BRINP2: variants seen among roughly 807,000 people sequenced by gnomAD.
The protein encoded by BRINP2 is BMP/retinoic acid inducible neural specific 2.
Under a neutral mutation model 69.2 loss-of-function variants are expected in BRINP2, and 21 were observed. The observed-to-expected ratio is 0.30, with a 90% CI of 0.22 to 0.44. BRINP2 has a LOEUF of 0.44. Among genes scored for constraint, BRINP2 ranks in the 20% least tolerant of loss-of-function variants. The probability of loss-of-function intolerance (pLI) is 1.00; values close to 1 mark genes in which losing one functional copy is unlikely to be tolerated. For synonymous variants in BRINP2, 380 were observed against 394.1 expected (o/e 0.96, Z 0.42); for missense variants, 877 against 986.0 (o/e 0.89, Z 1.48).
intron 1 of BRINP2, among the ~76,000 whole-genome samples, chr1:177,177,339 CAAG>C (rs1648118644): frequency 6.6e-6 from 1 of 151,896 alleles, no homozygotes; most frequent in Non-Finnish European, 1.5e-5. Context: ...GTGGACCTAC[CAAG>C]AAGAAGAATG....
chr1:177,264,853 C>T (rs1651068673), intron 4 of BRINP2, among the ~76,000 whole-genome samples: 1 of 152,172 alleles, frequency 6.6e-6, no homozygotes, highest in African/African-American at 2.4e-5. Context: ...TAGGAAGAAT[C>T]AATATCATGA....
At chr1:177,201,936 T>C (rs1237338361) in intron 1 of BRINP2, among the ~76,000 whole-genome samples, 1 of 152,214 alleles carries the variant, frequency 6.6e-6, no homozygotes, top group Non-Finnish European at 1.5e-5. Flanking sequence ...TGGGAGAGTG[T>C]ATGTGTCGAG....
chr1:177,265,392 C>A (rs1651085324), intron 4 of BRINP2, among the ~76,000 whole-genome samples: 1 of 152,174 alleles, frequency 6.6e-6, no homozygotes, highest in Non-Finnish European at 1.5e-5. Flanking sequence ...CTTCAAAATG[C>A]CCTTTGTCCC....
intron 1 of BRINP2, among the ~76,000 whole-genome samples, chr1:177,228,457 T>C (rs1194109337): frequency 6.6e-6 from 1 of 151,972 alleles, no homozygotes; most frequent in Non-Finnish European, 1.5e-5. Flanking sequence ...CAGCCCAGAG[T>C]GCCCTGGGGG....
chr1:177,264,237 T>C (rs532053259), intron 4 of BRINP2, among the ~76,000 whole-genome samples: 6 of 152,324 alleles, frequency 3.9e-5, no homozygotes, highest in Non-Finnish European at 8.8e-5. Flanking sequence ...CACTCTTTAA[T>C]GGCCTCATTT....
At chr1:177,173,113 A>G (rs1197660760) in intron 1 of BRINP2, among the ~76,000 whole-genome samples, 1 of 152,182 alleles carries the variant, frequency 6.6e-6, no homozygotes, top group East Asian at 1.9e-4. Context: ...CCTGACTCAC[A>G]CAGTTGTGTG....
At chr1:177,186,386 T>G (rs1648425522) in intron 1 of BRINP2, among the ~76,000 whole-genome samples, 1 of 152,106 alleles carries the variant, frequency 6.6e-6, no homozygotes, top group South Asian at 2.1e-4. Flanking sequence ...CAAAAGTAAT[T>G]GCAATTTTTT....
At chr1:177,276,080 T>G (rs1571949402) in intron 5 of BRINP2, 118 bp from the exon 6 acceptor site, 2 of 943,718 alleles carry the variant, frequency 2.1e-6, no homozygotes, top group Admixed American at 1.9e-5. Context: ...GTGCCCATGC[T>G]TGGGCCCAGG....
chr1:177,200,347 T>C (rs1225183527), intron 1 of BRINP2, among the ~76,000 whole-genome samples: 1 of 119,700 alleles, frequency 8.4e-6, no homozygotes, highest in African/African-American at 3.1e-5. Flanking sequence ...ATTATCAACA[T>C]AGCAGCCAGA....
chr1:177,194,761 G>T (rs915341870), intron 1 of BRINP2, among the ~76,000 whole-genome samples: 1 of 142,358 alleles, frequency 7.0e-6, no homozygotes, highest in African/African-American at 3.0e-5. Context: ...TAAGTGGCGA[G>T]GCTGTGTGTG....
intron 5 of BRINP2, 138 bp downstream of exon 5, chr1:177,273,731 G>A: frequency 1.8e-6 from 1 of 557,222 alleles, no homozygotes; most frequent in East Asian, 3.1e-5. Context: ...CACAAGTTCT[G>A]GAACCTGTAT....
intron 2 of BRINP2, among the ~76,000 whole-genome samples, chr1:177,239,681 G>T (rs1650135297): frequency 6.6e-6 from 1 of 152,180 alleles, no homozygotes; most frequent in Admixed American, 6.5e-5. Flanking sequence ...GATGAGATTG[G>T]TGTATGCTCT....
intron 1 of BRINP2, among the ~76,000 whole-genome samples, chr1:177,207,221 C>T (rs1339182641): frequency 2.0e-5 from 3 of 152,088 alleles, no homozygotes; most frequent in Non-Finnish European, 4.4e-5. Context: ...TATCCTGCTG[C>T]AAATAAATCC....
intron 1 of BRINP2, among the ~76,000 whole-genome samples, chr1:177,208,711 T>C (rs962372361): frequency 6.6e-6 from 1 of 152,190 alleles, no homozygotes; most frequent in Admixed American, 6.5e-5. Flanking sequence ...AACACAGTTA[T>C]CACAGTAAGT....
At chr1:177,273,713 A>G in intron 5 of BRINP2, 120 bp downstream of exon 5, 2 of 583,608 alleles carry the variant, frequency 3.4e-6, no homozygotes, top group Non-Finnish European at 5.9e-6. Flanking sequence ...TCTTAAGACA[A>G]GAACTACCAC....
chr1:177,255,121 G>A (rs1347543252), intron 2 of BRINP2, among the ~76,000 whole-genome samples: 1 of 152,166 alleles, frequency 6.6e-6, no homozygotes, highest in Non-Finnish European at 1.5e-5. Flanking sequence ...TTAGTTTAGT[G>A]TAGTACCAAA....
Position 177,278,822 on chromosome 1 carries a change from A to T in BRINP2, c.1235+37A>T, listed in dbSNP as rs200836138. On this transcript the variant is annotated intron_variant, in intron 7 of 7. Transcript: ENST00000361539. The stretch of plus-strand genomic sequence containing the variant: ...CTGGCTGCTACAGCCAGAGCTCAGC[A>T]CCTCCCCTGACAGCTGCTGAGGCCA... 77 of 1,597,902 alleles carry T rather than the reference A, an allele frequency of 4.8e-5. 1 individual carries two copies. In the African/African-American group the frequency reaches 8.2e-4, roughly 17 times the overall value.
At position 177,281,126 on chromosome 1, in the gene BRINP2, C is replaced by G; in HGVS notation, c.1950C>G (p.Ile650Met). The change falls in exon 8 of 8, where the codon ATC becomes ATG. Residue 650 changes from isoleucine (I) to methionine (M), a missense_variant. By Grantham distance (10) the Ile-to-Met change is conservative. Transcript: ENST00000361539. ...TTCATGTTTACCTACGGAGCCGAATCAAGTCCCTGGATGACAGCTCCAATG... is the reference window on the plus strand; with the variant it reads ...TTCATGTTTACCTACGGAGCCGAATGAAGTCCCTGGATGACAGCTCCAATG... The part of the protein sequence containing the change: ...ETVHVYLRSR[I>M]KSLDDSSNET... The G allele has an allele frequency of 1.2e-6, 2 of 1,614,216 alleles. No homozygotes were observed. Among genetic ancestry groups the G allele is most frequent in the Non-Finnish European group, 1.7e-6 (2 of 1,180,042 alleles).
chr1:177,230,264 G>A lies in BRINP2; in HGVS notation c.269+119G>A, dbSNP rs528931703. ...GGAATGCCCTCAAACTGAGCTAGAG[G>A]TGAAAGCTGGAGGAACACCAGGCAG... On this transcript the variant is annotated intron_variant, in intron 2 of 7. Transcript: ENST00000361539. The A allele has an allele frequency of 2.6e-6, 3 of 1,135,324 alleles. No homozygotes were observed. In the African/African-American group the frequency reaches 4.7e-5, roughly 18 times the overall value. The allele number at this position is 1,135,324 out of a possible 1,614,324, so 70.3% of individuals were successfully genotyped here.
Sources: allele counts gnomAD v4.1 joint callset (sites outside exome capture counted in the v4.1 genomes callset), GRCh38; gene constraint gnomAD v4.1.1; transcripts MANE v1.5; gene names NCBI Gene and HGNC (gene_info 2026-07-23, HGNC 2026-07-21).